TRIM37: variants seen among roughly 807,000 people sequenced by gnomAD.
TRIM37 encodes the protein tripartite motif containing 37.
Under a neutral mutation model 129.8 loss-of-function variants are expected in TRIM37, and 80 were observed. That is an observed-to-expected ratio of 0.62 (90% CI 0.51 to 0.74). The LOEUF (loss-of-function observed/expected upper bound fraction) is 0.74, where lower values mean the gene tolerates loss of function less well. Among genes scored for constraint, TRIM37 ranks in the 30% least tolerant of loss-of-function variants. TRIM37 has a pLI of 0.00. For synonymous variants in TRIM37, 389 were observed against 387.1 expected, an observed-to-expected ratio of 1.00 and a Z score of -0.06; for missense variants, 1,054 against 1,176.5, an observed-to-expected ratio of 0.90 and a Z score of 1.52.
At chr17:58,967,896 C>T in the TRIM37 span, among the ~76,000 whole-genome samples, 3 of 151,874 alleles carry the variant, frequency 2.0e-5, no homozygotes, top group African/African-American at 4.8e-5. Flanking sequence ...CTCCGCTTCC[C>T]GGGTTCAAGA....
At chr17:59,021,164 A>G (rs962681665) in intron 19 of TRIM37, among the ~76,000 whole-genome samples, 2 of 152,136 alleles carry the variant, frequency 1.3e-5, no homozygotes, top group African/African-American at 4.8e-5. Flanking sequence ...GCCCGACTCA[A>G]GTGGATCATT....
At chr17:59,031,679 C>T (rs1212387009) in intron 18 of TRIM37, among the ~76,000 whole-genome samples, 1 of 152,226 alleles carries the variant, frequency 6.6e-6, no homozygotes, top group East Asian at 1.9e-4. Context: ...CACAAAAAAC[C>T]TTCTTGCAGG....
At chr17:59,091,014 T>C (rs1313313275) in intron 3 of TRIM37, among the ~76,000 whole-genome samples, 1 of 152,134 alleles carries the variant, frequency 6.6e-6, no homozygotes, top group East Asian at 1.9e-4. Context: ...CTATCTGGAT[T>C]TTTTAACCAG....
the TRIM37 span, among the ~76,000 whole-genome samples, chr17:58,968,825 G>A: frequency 1.3e-5 from 2 of 152,174 alleles, no homozygotes; most frequent in Non-Finnish European, 2.9e-5. Context: ...ATCCTCCTCT[G>A]GCAGTTTACT....
exon 25 of TRIM37, chr17:58,982,806 C>T (rs1357847473): frequency 1.8e-6 from 2 of 1,092,386 alleles, no homozygotes; most frequent in Non-Finnish European, 2.7e-6. Context: ...AGTGCCGGAA[C>T]CTTTTCATCA....
chr17:59,039,494 C>T (rs1254789159), intron 17 of TRIM37, among the ~76,000 whole-genome samples: 1 of 152,026 alleles, frequency 6.6e-6, no homozygotes, highest in Admixed American at 6.6e-5. Context: ...CTACAGGCGC[C>T]TGCCATCACA....
At chr17:59,051,173 G>A (rs755633820) in intron 14 of TRIM37, 41 bp downstream of exon 14, 18 of 1,271,324 alleles carry the variant, frequency 1.4e-5, no homozygotes, top group Non-Finnish European at 2.1e-5. Context: ...AAGCCAAAAG[G>A]ACAATAGGAA....
At chr17:58,969,702 G>A in the TRIM37 span, 60 of 1,614,010 alleles carry the variant, frequency 3.7e-5, no homozygotes, top group African/African-American at 9.3e-5. Context: ...ACTGATGAGC[G>A]GTTTGTGCAG....
At chr17:59,075,760 T>TTAAGAATG (rs1474612718) in intron 7 of TRIM37, 46 bp from the exon 8 acceptor site, 3 of 1,393,128 alleles carry the variant, frequency 2.2e-6, no homozygotes, top group Non-Finnish European at 3.1e-6. Context: ...CATTATTGGT[T>TTAAGAATG]TAAGAATGAA....
At chr17:59,039,099 G>A (rs2038866653) in intron 17 of TRIM37, among the ~76,000 whole-genome samples, 1 of 152,128 alleles carries the variant, frequency 6.6e-6, no homozygotes, top group African/African-American at 2.4e-5. Context: ...TAATTGTAAT[G>A]CATTTAAATT....
At chr17:59,062,537 C>A in intron 11 of TRIM37, 30 bp downstream of exon 11, 1 of 1,584,736 alleles carries the variant, frequency 6.3e-7, no homozygotes, top group Non-Finnish European at 8.7e-7. Flanking sequence ...ACCTTGGTTT[C>A]AAAATTTATT....
At chr17:59,056,525 C>T (rs941267346) in intron 13 of TRIM37, among the ~76,000 whole-genome samples, 8 of 151,406 alleles carry the variant, frequency 5.3e-5, no homozygotes, top group Non-Finnish European at 1.0e-4. Context: ...GTCAGGAGAT[C>T]GAGACCATCC....
At chr17:59,009,088 C>A (rs2034909787) in intron 22 of TRIM37, among the ~76,000 whole-genome samples, 1 of 152,120 alleles carries the variant, frequency 6.6e-6, no homozygotes, top group Admixed American at 6.6e-5. Context: ...AGAGCACTGG[C>A]TCTAGGTTCA....
In TRIM37 at chr17:59,056,857, T is replaced by C; in HGVS notation, c.1199+18A>G. ...TTTCCCCACAATAAAAACCACAACA[T>C]CAAATTTTTCCTGTTACCTTAAAAT... On this transcript the variant is annotated intron_variant, in intron 13 of 23. Coordinates refer to ENST00000262294, the MANE Select transcript of TRIM37 (RefSeq NM_015294.6). The C allele has an allele frequency of 6.7e-7, 1 of 1,503,630 alleles. No homozygotes were observed. 93.1% of individuals were successfully genotyped at this position (1,503,630 alleles called of 1,614,324 possible). A position where few individuals can be genotyped will look rare whatever the true frequency, so the allele number is the denominator to read the frequency against.
chr17:59,042,437 A>ATATATATATATAT (rs2039298010), intron 16 of TRIM37, among the ~76,000 whole-genome samples: 1 of 74,292 alleles, frequency 1.3e-5, no homozygotes, highest in African/African-American at 7.1e-5. Context: ...AATTTAAAAA[A>ATATATATATATAT]AAAAAAAAAA....
chr17:59,013,962 C>T (rs1002461856), intron 21 of TRIM37, among the ~76,000 whole-genome samples: 37 of 151,906 alleles, frequency 2.4e-4, no homozygotes, highest in African/African-American at 8.2e-4. Flanking sequence ...AAGCTGCACA[C>T]ACTTGCACAG....
At chr17:59,072,131 AG>A (rs1691344269) in intron 8 of TRIM37, among the ~76,000 whole-genome samples, 2 of 152,182 alleles carry the variant, frequency 1.3e-5, no homozygotes. Context: ...AAGAGACTCT[AG>A]GGCTGCACAA....
At chr17:59,065,780 A>G (rs2041874303) in intron 9 of TRIM37, among the ~76,000 whole-genome samples, 1 of 152,252 alleles carries the variant, frequency 6.6e-6, no homozygotes, top group South Asian at 2.1e-4. Flanking sequence ...TAAAATATAC[A>G]TCTATAGCAC....
intron 24 of TRIM37, among the ~76,000 whole-genome samples, chr17:58,989,539 A>T (rs2032152438): frequency 6.6e-6 from 1 of 152,230 alleles, no homozygotes; most frequent in African/African-American, 2.4e-5. Flanking sequence ...CCTATAATTA[A>T]ATATTAATAG....
Sources: gnomAD v4.1 joint callset for allele counts (sites outside exome capture counted in the v4.1 genomes callset) on GRCh38, gnomAD v4.1.1 for gene constraint, MANE v1.5 for transcripts, NCBI Gene and HGNC (gene_info 2026-07-23, HGNC 2026-07-21) for gene names.